The following MED12L variants were observed in gnomAD, a reference collection of about 807,000 sequenced individuals.
The protein encoded by MED12L is mediator of RNA polymerase II transcription subunit 12-like protein.
MED12L carries 60 observed loss-of-function variants against 281.3 expected under a neutral mutation model. The ratio of observed to expected loss-of-function variants is 0.21; its 90% CI spans 0.17 to 0.26. MED12L has a LOEUF of 0.26. MED12L is among the 10% of genes least tolerant of loss of function. The pLI is 1.00. For missense variants in MED12L, 2,146 were observed against 2,680.9 expected, an observed-to-expected ratio of 0.80 and a Z score of 4.41; for synonymous variants, 974 against 987.2, an observed-to-expected ratio of 0.99 and a Z score of 0.25.
intron 2 of MED12L, among the ~76,000 whole-genome samples, chr3:151,110,560 T>C (rs1278933500): frequency 6.6e-6 from 1 of 152,196 alleles, no homozygotes; most frequent in African/African-American, 2.4e-5. Flanking sequence ...TCAAGGTGCA[T>C]TTTTTTGGTT....
chr3:151,435,062 C>CTTTTTTTTTTTTTTTTT lies in MED12L; in HGVS notation c.*2262_*2278dup, dbSNP rs66791814. ...GTTAATTCTGTATCTTGAGAGGTTT[C>CTTTTTTTTTTTTTTTTT]TTTTTTTTTTTTTTTTTTTTCTTTT... is the stretch of plus-strand genomic sequence containing the variant. On this transcript the variant is annotated 3_prime_UTR_variant, in exon 45 of 45. Transcript: ENST00000687756. 1 of 119,082 alleles carries CTTTTTTTTTTTTTTTTT rather than the reference C, an allele frequency of 8.4e-6. No individual in the cohort carries two copies. The highest frequency in any genetic ancestry group is 1.7e-5 in the Non-Finnish European group (1 of 57,276). The allele number at this position is 119,082 out of a possible 1,614,324, so 7.4% of individuals were successfully genotyped here.
At position 151,156,144 on chromosome 3, in the gene MED12L, C is replaced by T; in HGVS notation, c.557-17C>T. ...ATTGTGTCTAGAAACTCATATTTTT[C>T]TTTTTTTAAAATGCAGAGTGGACAC... On this transcript the variant is annotated splice_polypyrimidine_tract_variant and intron_variant, in intron 5 of 44. Transcript: ENST00000687756. 1.3e-6 allele frequency: 2 copies of T among 1,572,364 alleles called. No homozygotes were observed. Among genetic ancestry groups the T allele is most frequent in the Admixed American group, 1.9e-5 (1 of 51,728 alleles).
chr3:151,152,174 A>C (rs1221907082), intron 5 of MED12L, among the ~76,000 whole-genome samples: 1 of 132,674 alleles, frequency 7.5e-6, no homozygotes, highest in African/African-American at 2.9e-5. Context: ...ATCTGGGCTC[A>C]CTGCAGGTTT....
In MED12L at chr3:151,388,088, G is replaced by T. The variant is rs551733379; in HGVS notation, c.5367G>T (p.Leu1789=). Residue 1789 remains leucine (L), a synonymous_variant, in exon 37 of 45, where the codon CTG becomes CTT. Transcript: ENST00000687756. ...AACCAGAAAGGAAGTCCGCTGAGCTGTCAGATCAGGGAAAAACCACAACAG... is the reference window on the plus strand; with the variant it reads ...AACCAGAAAGGAAGTCCGCTGAGCTTTCAGATCAGGGAAAAACCACAACAG... ...SQEPERKSAE[L]SDQGKTTTDE... 1 of 1,613,848 alleles carries T rather than the reference G, an allele frequency of 6.2e-7. No individual in the cohort carries two copies. The highest frequency in any genetic ancestry group is 1.7e-5 in the Admixed American group (1 of 60,014).
chr3:151,166,359 C>T (rs531938488), intron 11 of MED12L, among the ~76,000 whole-genome samples: 90 of 152,112 alleles, frequency 5.9e-4, no homozygotes, highest in African/African-American at 2.0e-3. Context: ...CATGAATACC[C>T]GTGGTCATGA....
chr3:151,349,867 T>A (rs1328271392), intron 16 of MED12L, among the ~76,000 whole-genome samples, 192 bp from the exon 17 acceptor site: 1 of 151,644 alleles, frequency 6.6e-6, no homozygotes, highest in African/African-American at 2.4e-5. Context: ...TTTTTTTTTT[T>A]TATAATGTTA....
intron 20 of MED12L, among the ~76,000 whole-genome samples, chr3:151,359,969 A>G (rs1024464033): frequency 2.0e-5 from 3 of 152,186 alleles, no homozygotes; most frequent in African/African-American, 7.2e-5. Context: ...ACTAGTTGGT[A>G]TACATAGGGG....
intron 2 of MED12L, among the ~76,000 whole-genome samples, chr3:151,098,714 A>C (rs779277726): frequency 4.6e-5 from 7 of 152,058 alleles, no homozygotes; most frequent in Non-Finnish European, 1.0e-4. Context: ...CTTTTTCCAA[A>C]TGAGGTCACA....
intron 2 of MED12L, among the ~76,000 whole-genome samples, chr3:151,107,030 G>A (rs1460609489): frequency 2.7e-5 from 4 of 148,570 alleles, no homozygotes; most frequent in Non-Finnish European, 4.4e-5. Context: ...AGCATTTAAT[G>A]TGCTTATTGA....
At chr3:151,168,344 T>C (rs1720979497) in intron 11 of MED12L, among the ~76,000 whole-genome samples, 1 of 152,196 alleles carries the variant, frequency 6.6e-6, no homozygotes, top group African/African-American at 2.4e-5. Flanking sequence ...AATAAGTGTG[T>C]GTTGAAAGTT....
chr3:151,132,603 A>G (rs6806896), intron 5 of MED12L, among the ~76,000 whole-genome samples: 2,654 of 152,106 alleles, frequency 0.017, 59 homozygotes, highest in African/African-American at 0.054. Context: ...TGTCTATCGG[A>G]TTTTTCTCCT....
At chr3:151,130,972 G>A (rs1715305983) in intron 5 of MED12L, among the ~76,000 whole-genome samples, 1 of 152,102 alleles carries the variant, frequency 6.6e-6, no homozygotes, top group Non-Finnish European at 1.5e-5. Context: ...ACACAAGGTG[G>A]TCAGTAATCT....
intron 16 of MED12L, among the ~76,000 whole-genome samples, chr3:151,245,921 G>T (rs1735345395): frequency 6.6e-6 from 1 of 151,462 alleles, no homozygotes; most frequent in Admixed American, 6.6e-5. Flanking sequence ...CTTCAGCAAA[G>T]TCTCAGGATA....
chr3:151,285,698 A>G (rs1367297619), intron 16 of MED12L, among the ~76,000 whole-genome samples: 1 of 152,128 alleles, frequency 6.6e-6, no homozygotes, highest in African/African-American at 2.4e-5. Flanking sequence ...AAAAAAAATA[A>G]AAGAAAAAAA....
chr3:151,211,557 GA>G (rs570438634), intron 16 of MED12L, among the ~76,000 whole-genome samples: 2 of 151,570 alleles, frequency 1.3e-5, no homozygotes, highest in African/African-American at 4.8e-5. Flanking sequence ...GATACTGAGG[GA>G]AAAAAAACCT....
intron 16 of MED12L, among the ~76,000 whole-genome samples, chr3:151,282,777 A>G (rs961711494): frequency 6.6e-6 from 1 of 152,180 alleles, no homozygotes; most frequent in Non-Finnish European, 1.5e-5. Context: ...AGGACTTCCT[A>G]ATTTAGTGTG....
chr3:151,147,198 C>G (rs1717863497), intron 5 of MED12L, among the ~76,000 whole-genome samples: 1 of 152,228 alleles, frequency 6.6e-6, no homozygotes, highest in South Asian at 2.1e-4. Flanking sequence ...CTTATCCTCT[C>G]TGTCTCCCCC....
Position 151,435,062 on chromosome 3 carries a change from C to CTTTTTTTTTTTTTTTTTT in MED12L, c.*2261_*2278dup, listed in dbSNP as rs66791814. On this transcript the variant is annotated 3_prime_UTR_variant, in exon 45 of 45. Transcript: ENST00000687756. ...GTTAATTCTGTATCTTGAGAGGTTTCTTTTTTTTTTTTTTTTTTTTCTTTT... is the reference window on the plus strand; with the variant it reads ...GTTAATTCTGTATCTTGAGAGGTTTCTTTTTTTTTTTTTTTTTTTTTTTTTTTTTTTTTTTTTTCTTTT... 2 of 119,082 alleles carry CTTTTTTTTTTTTTTTTTT rather than the reference C, an allele frequency of 1.7e-5. No homozygotes were observed. Among genetic ancestry groups the CTTTTTTTTTTTTTTTTTT allele is most frequent in the Non-Finnish European group, 3.5e-5 (2 of 57,276 alleles). The allele number at this position is 119,082 out of a possible 1,614,324, so 7.4% of individuals were successfully genotyped here. A position where few individuals can be genotyped will look rare whatever the true frequency, so the allele number is the denominator to read the frequency against.
intron 16 of MED12L, among the ~76,000 whole-genome samples, chr3:151,237,650 C>T (rs543621439): frequency 3.3e-5 from 5 of 152,204 alleles, no homozygotes; most frequent in Admixed American, 2.6e-4. Context: ...TGCGCCCAGC[C>T]GCCAAACTGT....
Sources: allele counts gnomAD v4.1 joint callset (sites outside exome capture counted in the v4.1 genomes callset), GRCh38; gene constraint gnomAD v4.1.1; transcripts MANE v1.5; gene names NCBI Gene and HGNC (gene_info 2026-07-23, HGNC 2026-07-21).